Variants in FBN2 observed in about 807,000 individuals in gnomAD.
FBN2 encodes fibrillin 2.
FBN2 carries 105 observed loss-of-function variants against 355.6 expected under a neutral mutation model. That is an observed-to-expected ratio of 0.30 (90% CI 0.25 to 0.35). FBN2 has a LOEUF of 0.35. Ranked by LOEUF, FBN2 falls within the 10% of genes least tolerant of loss-of-function variation. The pLI is 1.00. For synonymous variants in FBN2, 1,350 were observed against 1,301.2 expected, an observed-to-expected ratio of 1.04 and a Z score of -0.81; for missense variants, 3,280 against 3,758.7, an observed-to-expected ratio of 0.87 and a Z score of 3.33.
Position 128,493,538 on chromosome 5 carries a change from T to C in FBN2, c.628+25735A>G, listed in dbSNP as rs59592403. 6.1e-3 allele frequency among the ~76,000 whole-genome samples: 925 copies of C among 152,242 alleles called. 6 individuals are homozygous for C. The highest frequency in any genetic ancestry group is 0.021 in the African/African-American group (885 of 41,542). ...TCACTTACAATCTAGGGTTCAGAAA[T>C]ATTAATGGGGTATAATCCTTCATAA... On this transcript the variant is annotated intron_variant, in intron 5 of 64. Transcript: ENST00000262464.
intron 5 of FBN2, among the ~76,000 whole-genome samples, chr5:128,491,193 C>T (rs191433763): frequency 6.6e-6 from 1 of 152,126 alleles, no homozygotes; most frequent in Admixed American, 6.6e-5. Context: ...TAAGAAAGAA[C>T]ACACACAGTC....
chr5:128,320,217 A>G (rs1358856226), intron 34 of FBN2, among the ~76,000 whole-genome samples: 1 of 150,050 alleles, frequency 6.7e-6, no homozygotes, highest in Non-Finnish European at 1.5e-5. Flanking sequence ...CCTTCTGACT[A>G]TGCATTTTTT....
At chr5:128,386,500 T>G (rs1270079256) in intron 11 of FBN2, among the ~76,000 whole-genome samples, 2 of 152,204 alleles carry the variant, frequency 1.3e-5, no homozygotes, top group South Asian at 2.1e-4. Flanking sequence ...GCTTTGGCTA[T>G]TCAGGCCATT....
chr5:128,268,667 C>T (rs1765182198), intron 62 of FBN2, among the ~76,000 whole-genome samples: 1 of 152,210 alleles, frequency 6.6e-6, no homozygotes, highest in South Asian at 2.1e-4. Flanking sequence ...CATCAAAAAA[C>T]TTATCCACCA....
At chr5:128,490,913 A>G (rs1158341681) in intron 5 of FBN2, among the ~76,000 whole-genome samples, 2 of 152,204 alleles carry the variant, frequency 1.3e-5, no homozygotes, top group Non-Finnish European at 2.9e-5. Flanking sequence ...AGTAATGCAG[A>G]ATTTTTGGAA....
At position 128,323,796 on chromosome 5, in the gene FBN2, C is replaced by T. The variant is rs188616384; in HGVS notation, c.4472-4795G>A. On this transcript the variant is annotated intron_variant, in intron 34 of 64. Coordinates refer to ENST00000262464, the MANE Select transcript of FBN2 (RefSeq NM_001999.4). ...TCCAAGTTTCGGTATCAGGATGATGCTGGCCTCATAAAATGAGTTAGGGAG... is the reference window on the plus strand; with the variant it reads ...TCCAAGTTTCGGTATCAGGATGATGTTGGCCTCATAAAATGAGTTAGGGAG... Among the ~76,000 whole-genome samples the T allele has an allele frequency of 5.8e-3, 888 of 152,264 alleles. 4 individuals are homozygous for T. The highest frequency in any genetic ancestry group is 0.01 in the Middle Eastern group (3 of 294).
chr5:128,466,773 G>A (rs530014890), intron 5 of FBN2, among the ~76,000 whole-genome samples: 5 of 152,224 alleles, frequency 3.3e-5, no homozygotes, highest in African/African-American at 9.6e-5. Flanking sequence ...TGCAAGTCTC[G>A]TTTTTGAAAA....
At chr5:128,517,805 G>A in intron 5 of FBN2, among the ~76,000 whole-genome samples, 1 of 151,986 alleles carries the variant, frequency 6.6e-6, no homozygotes. Flanking sequence ...CTACTTATCT[G>A]TAATATTTCA....
chr5:128,417,099 T>C (rs2127010613), intron 7 of FBN2, among the ~76,000 whole-genome samples: 1 of 152,290 alleles, frequency 6.6e-6, no homozygotes, highest in Non-Finnish European at 1.5e-5. Flanking sequence ...AGTATTTTAT[T>C]ATTGTTTTTG....
In FBN2 at chr5:128,276,150, T is replaced by C; in HGVS notation, c.7482A>G (p.Glu2494=). ...TGCATGGTTTCGGGGACTGGGAGCA[T>C]TCATCAAGGTCTAAGTAAAAGTGAT... ...ISGTSCIDLD[E]CSQSPKPCNY... The change falls in exon 59 of 65, where the codon GAA becomes GAG. Residue 2494 remains glutamate (E), a synonymous_variant. Coordinates refer to ENST00000262464, the MANE Select transcript of FBN2 (RefSeq NM_001999.4). The C allele has an allele frequency of 6.2e-7, 1 of 1,613,782 alleles. No homozygotes were observed. Among genetic ancestry groups the C allele is most frequent in the South Asian group, 1.1e-5 (1 of 91,080 alleles).
At position 128,378,008 on chromosome 5, in the gene FBN2, GTTTTTT is replaced by G. The variant is rs373419300; in HGVS notation, c.1724-137_1724-132del. On this transcript the variant is annotated intron_variant, in intron 12 of 64. Transcript: ENST00000262464. ...TTAGCAAAATTTCTGTCTCTCAGCA[GTTTTTT>G]TTTTTTTTTTTGGATAGGTAGGTGC... is the stretch of plus-strand genomic sequence containing the variant. 4.7e-5 allele frequency: 24 copies of G among 510,018 alleles called. 1 individual carries two copies. The highest frequency in any genetic ancestry group is 7.9e-5 in the Non-Finnish European group (24 of 305,466). 31.6% of individuals were successfully genotyped at this position (510,018 alleles called of 1,614,324 possible).
intron 8 of FBN2, among the ~76,000 whole-genome samples, chr5:128,398,748 C>T (rs1752715241): frequency 6.6e-6 from 1 of 152,130 alleles, no homozygotes; most frequent in Non-Finnish European, 1.5e-5. Flanking sequence ...ATCGTGAATT[C>T]CCACATGTTG....
rs1315944744 is a variant in FBN2, at chr5:128,291,667, G to C, written c.6167-13C>G. The C allele has an allele frequency of 6.2e-7, 1 of 1,612,540 alleles. No individual in the cohort carries two copies. The highest frequency in any genetic ancestry group is 8.5e-7 in the Non-Finnish European group (1 of 1,178,804). On this transcript the variant is annotated splice_polypyrimidine_tract_variant and intron_variant, in intron 48 of 64. Coordinates refer to ENST00000262464, the MANE Select transcript of FBN2 (RefSeq NM_001999.4). Reference sequence around the variant, plus strand: ...CATTCATTTATATCTGCAGAACAGGGGGAGTATTTATTAGCCATTCAACAC... The same window carrying C: ...CATTCATTTATATCTGCAGAACAGGCGGAGTATTTATTAGCCATTCAACAC...
At chr5:128,337,160 A>T (rs1383280206) in intron 27 of FBN2, among the ~76,000 whole-genome samples, 1 of 152,218 alleles carries the variant, frequency 6.6e-6, no homozygotes, top group Non-Finnish European at 1.5e-5. Flanking sequence ...TTAAAATGAA[A>T]TAAGAACATA....
intron 7 of FBN2, among the ~76,000 whole-genome samples, chr5:128,432,666 T>C (rs1448194026): frequency 6.6e-6 from 1 of 152,086 alleles, no homozygotes; most frequent in Admixed American, 6.6e-5. Flanking sequence ...CTCGATGACT[T>C]TAGGTGGTCT....
intron 21 of FBN2, among the ~76,000 whole-genome samples, chr5:128,350,497 G>A (rs1488126872): frequency 1.3e-5 from 2 of 152,218 alleles, no homozygotes; most frequent in African/African-American, 2.4e-5. Context: ...GTTGCAATGA[G>A]CTGAGGTCAC....
chr5:128,528,101 CCAAA>C (rs1756611351), intron 3 of FBN2, 134 bp from the exon 4 acceptor site: 1 of 684,258 alleles, frequency 1.5e-6, no homozygotes, highest in African/African-American at 1.8e-5. Context: ...ATACTATGAC[CCAAA>C]CATATTTTTA....
chr5:128,509,287 C>A (rs568686099), intron 5 of FBN2, among the ~76,000 whole-genome samples: 2 of 151,962 alleles, frequency 1.3e-5, no homozygotes, highest in East Asian at 1.9e-4. Flanking sequence ...GCCTTTTTTT[C>A]TTTGTGCTTT....
At chr5:128,294,954 T>C (rs1263115595) in intron 48 of FBN2, among the ~76,000 whole-genome samples, 10 of 142,614 alleles carry the variant, frequency 7.0e-5, no homozygotes, top group Admixed American at 4.3e-4. Context: ...TCTTCTAGGG[T>C]TTTTATGGTT....
Sources: gnomAD v4.1 joint callset for allele counts (sites outside exome capture counted in the v4.1 genomes callset) on GRCh38, gnomAD v4.1.1 for gene constraint, MANE v1.5 for transcripts, NCBI Gene and HGNC (gene_info 2026-07-23, HGNC 2026-07-21) for gene names.